LRIG3: variants seen among roughly 807,000 people sequenced by gnomAD.
LRIG3 encodes the protein leucine rich repeats and immunoglobulin like domains 3, also known as leucine-rich repeats and immunoglobulin-like domains protein 3.
A neutral mutation model predicts 114.5 loss-of-function variants in LRIG3; 76 were observed. The observed-to-expected ratio is 0.66, with a 90% confidence interval of 0.55 to 0.80. The LOEUF (loss-of-function observed/expected upper bound fraction) is 0.80, where lower values mean the gene tolerates loss of function less well. Among genes scored for constraint, LRIG3 ranks in the 30% least tolerant of loss-of-function variants. The pLI, the probability that LRIG3 is intolerant of heterozygous loss-of-function variation, is 0.00. For missense variants in LRIG3, 1,239 were observed against 1,382.8 expected, an observed-to-expected ratio of 0.90 and a Z score of 1.65; for synonymous variants, 512 against 519.8, an observed-to-expected ratio of 0.98 and a Z score of 0.20.
chr12:58,875,942 C>T (rs2120869708), intron 16 of LRIG3, among the ~76,000 whole-genome samples: 1 of 152,286 alleles, frequency 6.6e-6, no homozygotes, highest in Admixed American at 6.5e-5. Flanking sequence ...GTCCCAGTTA[C>T]TTGGGAGGCT....
At chr12:58,873,125 C>T (rs11172789) in intron 18 of LRIG3, among the ~76,000 whole-genome samples, 28,287 of 152,058 alleles carry the variant, frequency 0.19, 4,501 homozygotes, top group African/African-American at 0.43. Context: ...AGTTTCCCCA[C>T]ATCCTAGCTG....
rs559053784 is a variant in LRIG3 at position 58,885,029 on chromosome 12, G to A, written c.1244+802C>T. Reference sequence around the variant, plus strand: ...CCTCTCTTAGTGGCTGAAAATTCCTGAGCCCCTAAATGACATTTCAGAAAT... The same window carrying A: ...CCTCTCTTAGTGGCTGAAAATTCCTAAGCCCCTAAATGACATTTCAGAAAT... On this transcript the variant is annotated intron_variant, in intron 10 of 18. Transcript: ENST00000320743. Among the ~76,000 whole-genome samples the A allele has an allele frequency of 1.4e-4, 21 of 152,178 alleles. 1 individual carries two copies. The highest frequency in any genetic ancestry group is 5.1e-4 in the African/African-American group (21 of 41,504).
At chr12:58,916,666 C>CA (rs573768065) in intron 1 of LRIG3, among the ~76,000 whole-genome samples, 39 of 152,228 alleles carry the variant, frequency 2.6e-4, no homozygotes, top group Non-Finnish European at 4.9e-4. Context: ...AAAACTTTTA[C>CA]AAAAACTTTT....
chr12:58,874,925 T>C (rs1479314184), intron 16 of LRIG3, among the ~76,000 whole-genome samples: 1 of 152,210 alleles, frequency 6.6e-6, no homozygotes, highest in Non-Finnish European at 1.5e-5. Context: ...CAATGACCTC[T>C]TAATGCCCAT....
At chr12:58,919,860 G>A in intron 1 of LRIG3, 140 bp downstream of exon 1, 1 of 929,212 alleles carries the variant, frequency 1.1e-6, no homozygotes, top group East Asian at 2.7e-5. Context: ...CCACGCCCAC[G>A]GAGCGCCGAT....
At chr12:58,885,082 G>C (rs1384650142) in intron 10 of LRIG3, among the ~76,000 whole-genome samples, 1 of 152,162 alleles carries the variant, frequency 6.6e-6, no homozygotes, top group Non-Finnish European at 1.5e-5. Context: ...AGGAGCTACT[G>C]GGAGTAGCGG....
chr12:58,881,515 A>G (rs1871130039), intron 12 of LRIG3, among the ~76,000 whole-genome samples: 1 of 152,158 alleles, frequency 6.6e-6, no homozygotes, highest in African/African-American at 2.4e-5. Flanking sequence ...TGAGCGGCCA[A>G]TCGTGCCGCC....
At chr12:58,919,397 T>G (rs1246998554) in intron 1 of LRIG3, 2 of 1,551,492 alleles carry the variant, frequency 1.3e-6, no homozygotes, top group South Asian at 2.4e-5. Context: ...CGACCAGTCT[T>G]TACAATCTGG....
At chr12:58,903,683 G>GT (rs1253975704) in intron 3 of LRIG3, among the ~76,000 whole-genome samples, 2 of 151,802 alleles carry the variant, frequency 1.3e-5, no homozygotes. Context: ...TTCTTCTAGG[G>GT]TTTTTATGGT....
chr12:58,898,656 T>A (rs1243172796), intron 3 of LRIG3, among the ~76,000 whole-genome samples: 3 of 152,156 alleles, frequency 2.0e-5, no homozygotes, highest in African/African-American at 7.2e-5. Context: ...TTAATCCTTT[T>A]CTCCCTTGTT....
chr12:58,919,541 A>G (rs1872596525), intron 1 of LRIG3: 2 of 1,550,352 alleles, frequency 1.3e-6, no homozygotes, highest in Non-Finnish European at 1.7e-6. Context: ...GCCTGACTTC[A>G]GTTACTGGGT....
At chr12:58,887,293 A>G (rs557295604) in intron 8 of LRIG3, among the ~76,000 whole-genome samples, 2 of 152,330 alleles carry the variant, frequency 1.3e-5, no homozygotes, top group African/African-American at 4.8e-5. Context: ...AGTTTCTGAC[A>G]GAGCAAAAAT....
rs147882137 is a variant in LRIG3, at chr12:58,908,175, G to A, written c.383+5807C>T. ...CACATCTCGCGGCATTAGGTTCCAA[G>A]CCAGCAGATGGCGGAAAACCATGTA... On this transcript the variant is annotated intron_variant, in intron 3 of 18. Coordinates refer to ENST00000320743, the MANE Select transcript of LRIG3 (RefSeq NM_153377.5). Among the ~76,000 whole-genome samples the A allele has an allele frequency of 1.2e-3, 188 of 152,304 alleles. 1 individual carries two copies. Among genetic ancestry groups the A allele is most frequent in the African/African-American group, 4.3e-3 (180 of 41,562 alleles).
chr12:58,893,241 G>A (rs1237608858), intron 3 of LRIG3, among the ~76,000 whole-genome samples: 4 of 152,174 alleles, frequency 2.6e-5, no homozygotes, highest in Non-Finnish European at 4.4e-5. Flanking sequence ...AAAGCTTCTC[G>A]AAATAGTGTT....
In LRIG3 at chr12:58,887,914, G is replaced by C. The variant is rs1253739635; in HGVS notation, c.966C>G (p.His322Gln). Residue 322 changes from histidine to glutamine, a missense_variant, in exon 8 of 19, where the codon CAC (histidine) becomes CAG (glutamine). Physicochemically the swap from His to Gln is conservative, Grantham distance 24. Transcript: ENST00000320743. ...AGCTTGAATCATCTAACCTTGATAA[G>C]TGATTGAAAGTTAGGTCCCTGTAAA... Reference protein sequence around the residue: ...KLSELDLTFNHLSRLDDSSFL... With the variant: ...KLSELDLTFNQLSRLDDSSFL... The C allele has an allele frequency of 6.2e-7, 1 of 1,612,724 alleles. No individual in the cohort carries two copies. Among genetic ancestry groups the C allele is most frequent in the Non-Finnish European group, 8.5e-7 (1 of 1,179,430 alleles).
At position 58,874,162 on chromosome 12, in the gene LRIG3, G is replaced by A. The variant is rs1870829453; in HGVS notation, c.3008C>T (p.Ser1003Phe). 3.7e-6 allele frequency: 6 copies of A among 1,614,080 alleles called. No individual in the cohort carries two copies. The highest frequency in any genetic ancestry group is 5.1e-6 in the Non-Finnish European group (6 of 1,180,038). The change falls in exon 18 of 19, where the codon TCT becomes TTT. Residue 1003 changes from serine (S) to phenylalanine (F), a missense_variant. Physicochemically the swap from Ser to Phe is radical, Grantham distance 155. Coordinates refer to ENST00000320743, the MANE Select transcript of LRIG3 (RefSeq NM_153377.5). ...HVRKLLNTSY[S>F]HNEGPGMKNL... is the part of the protein sequence containing the mutation. Reference sequence around the variant, plus strand: ...TTTCATTCCAGGTCCTTCATTGTGAGAGTAACTAGTGTTAAGTAGCTTCCT... The same window carrying A: ...TTTCATTCCAGGTCCTTCATTGTGAAAGTAACTAGTGTTAAGTAGCTTCCT...
At chr12:58,875,802 G>A (rs1592292245) in intron 16 of LRIG3, among the ~76,000 whole-genome samples, 1 of 152,364 alleles carries the variant, frequency 6.6e-6, no homozygotes, top group South Asian at 2.1e-4. Flanking sequence ...CACTTTGGGA[G>A]GCTGAGGCAG....
intron 4 of LRIG3, 127 bp downstream of exon 4, chr12:58,890,538 T>C: frequency 2.2e-6 from 2 of 903,526 alleles, no homozygotes; most frequent in Non-Finnish European, 3.1e-6. Context: ...TTACAGCAAA[T>C]TTCAAGTCAA....
At chr12:58,889,573 C>G (rs547691904) in intron 5 of LRIG3, among the ~76,000 whole-genome samples, 13 of 151,998 alleles carry the variant, frequency 8.6e-5, no homozygotes, top group Admixed American at 3.9e-4. Context: ...GCCAAAGTTG[C>G]CCTATTGCAG....
Sources: allele counts gnomAD v4.1 joint callset (sites outside exome capture counted in the v4.1 genomes callset), GRCh38; gene constraint gnomAD v4.1.1; transcripts MANE v1.5; gene names NCBI Gene and HGNC (gene_info 2026-07-23, HGNC 2026-07-21).